Variants in SLC9A6 observed in about 807,000 individuals in gnomAD.
The protein encoded by SLC9A6 is sodium/hydrogen exchanger 6.
SLC9A6 carries 6 observed loss-of-function variants against 45.3 expected under a neutral mutation model. The observed-to-expected ratio is 0.13, with a 90% CI of 0.07 to 0.26. The LOEUF is 0.26. Among genes scored for constraint, SLC9A6 ranks in the 10% least tolerant of loss-of-function variants. The pLI is 1.00. For synonymous variants in SLC9A6, 191 were observed against 187.7 expected (o/e 1.02, Z -0.14); for missense variants, 278 against 503.7 (o/e 0.55, Z 4.29).
intron 15 of SLC9A6, 137 bp from the exon 16 acceptor site, chrX:136,033,277 T>C (rs1309080453): frequency 5.0e-6 from 2 of 396,858 alleles, no homozygotes; most frequent in African/African-American, 5.1e-5. Context: ...ATACAAACTA[T>C]TAAATTTCTA....
chrX:136,034,510 C>T (rs1463231339), intron 16 of SLC9A6, among the ~76,000 whole-genome samples: 2 of 111,512 alleles, frequency 1.8e-5, no homozygotes, highest in Admixed American at 9.5e-5. Flanking sequence ...ATTCACCTAG[C>T]AAAAACAGCC....
chrX:135,993,747 T>C (rs111674189), intron 2 of SLC9A6, among the ~76,000 whole-genome samples: 1 of 109,942 alleles, frequency 9.1e-6, no homozygotes, highest in Non-Finnish European at 1.9e-5. Flanking sequence ...GCCGAGATCA[T>C]GCCACTGCAC....
chrX:136,003,178 G>A (rs1201967884), intron 7 of SLC9A6, among the ~76,000 whole-genome samples: 20 of 107,697 alleles, frequency 1.9e-4, no homozygotes, highest in Non-Finnish European at 3.1e-4. Context: ...TAGTAGAGAC[G>A]GGGTTTCACC....
At chrX:136,028,826 C>T in intron 13 of SLC9A6, 60 bp from the exon 14 acceptor site, 1 of 288,587 alleles carries the variant, frequency 3.5e-6, no homozygotes, top group Non-Finnish European at 6.1e-6. Flanking sequence ...GCTATTTTTT[C>T]TGTGTTGTCT....
At chrX:136,010,878 A>G (rs2070907632) in intron 8 of SLC9A6, among the ~76,000 whole-genome samples, 1 of 112,667 alleles carries the variant, frequency 8.9e-6, no homozygotes, top group Non-Finnish European at 1.9e-5. Flanking sequence ...GTAAAGGTAG[A>G]CATATTCCAA....
In SLC9A6 at chrX:136,021,766, A is replaced by G. The variant is rs2071130321; in HGVS notation, c.1195-820A>G. The stretch of plus-strand genomic sequence containing the variant: ...GGTCTTGAACTCCTGGCCTCAAGCT[A>G]TCCTCCCGCCCCGGTCTCCCAAAAT... On this transcript the variant is annotated intron_variant, in intron 11 of 17. Transcript: ENST00000630721. Among the ~76,000 whole-genome samples, 4 of 111,899 alleles carry G rather than the reference A, an allele frequency of 3.6e-5. 1 individual carries two copies. In the Middle Eastern group the frequency reaches 0.014, roughly 385 times the overall value.
chrX:136,019,859 G>C (rs186456056), intron 11 of SLC9A6, among the ~76,000 whole-genome samples: 1 of 111,863 alleles, frequency 8.9e-6, no homozygotes, highest in Non-Finnish European at 1.9e-5. Context: ...ACATTTAGTT[G>C]TCATGTCCCC....
rs782732292 is a variant in SLC9A6 at position 136,027,017 on chromosome X, C to T, written c.1461-1869C>T. ...GGACAGGCTCCTCACCACCTGCCAA[C>T]AGAGAATTATCTAGGCCAGAATGTC... On this transcript the variant is annotated intron_variant, in intron 13 of 17. Transcript: ENST00000630721. 1.8e-5 allele frequency among the ~76,000 whole-genome samples: 2 copies of T among 111,814 alleles called. 1 individual carries two copies. The highest frequency in any genetic ancestry group is 3.8e-5 in the Non-Finnish European group (2 of 53,171).
At chrX:136,010,701 C>A in intron 8 of SLC9A6, 118 bp downstream of exon 8, 1 of 668,115 alleles carries the variant, frequency 1.5e-6, no homozygotes, top group Non-Finnish European at 2.3e-6. Flanking sequence ...AATCTTATAA[C>A]TAAGTACTTG....
intron 12 of SLC9A6, among the ~76,000 whole-genome samples, chrX:136,024,071 G>T (rs2071185821): frequency 9.0e-6 from 1 of 110,945 alleles, no homozygotes; most frequent in Non-Finnish European, 1.9e-5. Flanking sequence ...ATTTTTAGTA[G>T]AGATGGGGTT....
rs1344561744 is a variant in SLC9A6 at position 136,024,635 on chromosome X, A to G, written c.1460+152A>G. 2.4e-5 allele frequency: 12 copies of G among 503,875 alleles called. No homozygotes were observed. The East Asian group carries it at 4.1e-4, about 17-fold the overall frequency. 41.5% of individuals were successfully genotyped at this position (503,875 alleles called of 1,213,427 possible). On this transcript the variant is annotated intron_variant, in intron 13 of 17. Coordinates refer to ENST00000630721, the MANE Select transcript of SLC9A6 (RefSeq NM_001379110.1). ...ATATATAGTACAGAAAAAGGAAAAT[A>G]TATATGCAAAAGAAAAATTCATTGT...
At chrX:136,013,700 C>G (rs1012381136) in intron 10 of SLC9A6, among the ~76,000 whole-genome samples, 8 of 111,494 alleles carry the variant, frequency 7.2e-5, no homozygotes, top group Non-Finnish European at 1.5e-4. Flanking sequence ...CCCTTTTTCT[C>G]AGTGTTTTCC....
chrX:135,991,983 A>G (rs1388564853), intron 2 of SLC9A6, among the ~76,000 whole-genome samples: 3 of 111,355 alleles, frequency 2.7e-5, no homozygotes, highest in Non-Finnish European at 5.7e-5. Flanking sequence ...CAACCATCTT[A>G]TGACTGCACA....
intron 16 of SLC9A6, among the ~76,000 whole-genome samples, chrX:136,037,835 G>T (rs1391503772): frequency 8.9e-6 from 1 of 112,649 alleles, no homozygotes; most frequent in African/African-American, 3.2e-5. Context: ...CTCCCAAAGT[G>T]CTGGGATTAC....
intron 7 of SLC9A6, among the ~76,000 whole-genome samples, chrX:136,007,334 A>G (rs781979270): frequency 9.4e-4 from 104 of 110,361 alleles, no homozygotes; most frequent in African/African-American, 3.2e-3. Flanking sequence ...GAAGTTTTCA[A>G]TGCACAGGAC....
chrX:135,994,724 C>T (rs1469173960), intron 2 of SLC9A6, 62 bp from the exon 3 acceptor site: 11 of 1,037,063 alleles, frequency 1.1e-5, no homozygotes, highest in Non-Finnish European at 1.5e-5. Flanking sequence ...CATAGTTATG[C>T]GTGGGGTACA....
chrX:136,042,193 T>TA (rs1291291071), intron 17 of SLC9A6, among the ~76,000 whole-genome samples: 3 of 108,158 alleles, frequency 2.8e-5, no homozygotes, highest in Non-Finnish European at 5.8e-5. Flanking sequence ...TTTTTTTTTT[T>TA]AGACAGAGTC....
At chrX:135,982,122 AC>A (rs2089288171), upstream of SLC9A6, among the ~76,000 whole-genome samples, 1 of 111,723 alleles carries the variant, frequency 9.0e-6, no homozygotes, top group Admixed American at 9.5e-5. Context: ...TAGTTTCAAG[AC>A]ATACAAAAAC....
chrX:136,013,574 T>C, intron 10 of SLC9A6, 137 bp downstream of exon 10: 1 of 442,560 alleles, frequency 2.3e-6, no homozygotes, highest in Non-Finnish European at 3.9e-6. Flanking sequence ...TTCCTTTGAC[T>C]CTAAAAGTAG....
Sources: allele counts gnomAD v4.1 joint callset (sites outside exome capture counted in the v4.1 genomes callset), GRCh38; gene constraint gnomAD v4.1.1; transcripts MANE v1.5; gene names NCBI Gene and HGNC (gene_info 2026-07-23, HGNC 2026-07-21).